The following GRM5 variants were observed in gnomAD, a reference collection of about 807,000 sequenced individuals.
GRM5 encodes metabotropic glutamate receptor 5.
In GRM5, 19 loss-of-function variants were observed where a neutral mutation model predicts 83.1. The observed-to-expected ratio is 0.23, with a 90% CI of 0.16 to 0.34. The LOEUF (loss-of-function observed/expected upper bound fraction) is 0.34. Ranked by LOEUF, GRM5 falls within the 10% of genes least tolerant of loss-of-function variation. The pLI is 1.00. For synonymous variants in GRM5, 675 were observed against 633.6 expected, an observed-to-expected ratio of 1.07 and a Z score of -0.98; for missense variants, 1,160 against 1,588.3, an observed-to-expected ratio of 0.73 and a Z score of 4.58.
chr11:88,689,644 G>A (rs550849495), intron 3 of GRM5, among the ~76,000 whole-genome samples: 12 of 152,154 alleles, frequency 7.9e-5, no homozygotes, highest in African/African-American at 2.7e-4. Flanking sequence ...CCTTTCATCC[G>A]GATTCAGCTT....
At chr11:88,983,742 AG>A (rs1408730330) in intron 2 of GRM5, among the ~76,000 whole-genome samples, 1 of 152,112 alleles carries the variant, frequency 6.6e-6, no homozygotes, top group Non-Finnish European at 1.5e-5. Flanking sequence ...CCTGTAAAAC[AG>A]CCCCAGGCAA....
At chr11:88,594,050 C>G (rs556375088) in intron 6 of GRM5, among the ~76,000 whole-genome samples, 4 of 152,184 alleles carry the variant, frequency 2.6e-5, no homozygotes, top group African/African-American at 9.6e-5. Flanking sequence ...GCCTAGGCCT[C>G]TCAAAGTGCT....
intron 4 of GRM5, among the ~76,000 whole-genome samples, chr11:88,643,189 T>C (rs1243999837): frequency 6.6e-6 from 1 of 152,074 alleles, no homozygotes; most frequent in Non-Finnish European, 1.5e-5. Context: ...TTTTACTCAT[T>C]GCAGAAGGCA....
intron 8 of GRM5, among the ~76,000 whole-genome samples, chr11:88,566,825 G>T (rs1334917987): frequency 2.0e-5 from 3 of 152,000 alleles, no homozygotes; most frequent in Non-Finnish European, 4.4e-5. Flanking sequence ...CTGTAACTCT[G>T]CTTTATTAGA....
At chr11:88,806,152 G>T (rs1943496320) in intron 3 of GRM5, among the ~76,000 whole-genome samples, 1 of 152,180 alleles carries the variant, frequency 6.6e-6, no homozygotes, top group Non-Finnish European at 1.5e-5. Flanking sequence ...AACTAGAAGT[G>T]CTCACCAAAA....
At chr11:88,538,306 C>T (rs1334741459) in intron 8 of GRM5, among the ~76,000 whole-genome samples, 1 of 152,072 alleles carries the variant, frequency 6.6e-6, no homozygotes, top group Non-Finnish European at 1.5e-5. Context: ...TAAGTCATTG[C>T]CATTTTATTG....
chr11:88,527,052 G>A (rs1276413504), intron 8 of GRM5, among the ~76,000 whole-genome samples: 1 of 152,148 alleles, frequency 6.6e-6, no homozygotes, highest in East Asian at 1.9e-4. Flanking sequence ...GCTAGATTGA[G>A]TAGACTTAAT....
chr11:88,777,028 G>A (rs1479738486), intron 3 of GRM5, among the ~76,000 whole-genome samples: 1 of 152,206 alleles, frequency 6.6e-6, no homozygotes, highest in African/African-American at 2.4e-5. Flanking sequence ...ATATCCTGAA[G>A]AGTGTTTTCC....
chr11:88,980,833 A>C (rs1347953523), intron 2 of GRM5, among the ~76,000 whole-genome samples: 6 of 152,132 alleles, frequency 3.9e-5, no homozygotes, highest in Non-Finnish European at 7.4e-5. Context: ...AAAAAAAATA[A>C]ATAAATAAAA....
At chr11:88,574,490 C>A (rs183030061) in intron 7 of GRM5, among the ~76,000 whole-genome samples, 1 of 152,170 alleles carries the variant, frequency 6.6e-6, no homozygotes, top group African/African-American at 2.4e-5. Context: ...TCCTCGTGGG[C>A]AGGTGCAGTG....
chr11:88,961,251 G>C (rs1483907674), intron 2 of GRM5, among the ~76,000 whole-genome samples: 1 of 152,136 alleles, frequency 6.6e-6, no homozygotes, highest in Non-Finnish European at 1.5e-5. Flanking sequence ...TTAGCATCTA[G>C]ACAGGTGGGT....
chr11:88,803,039 T>C (rs1464310113), intron 3 of GRM5, among the ~76,000 whole-genome samples: 1 of 133,292 alleles, frequency 7.5e-6, no homozygotes, highest in Non-Finnish European at 1.5e-5. Flanking sequence ...TAAAAGAGGA[T>C]ACAAACAAAT....
intron 2 of GRM5, among the ~76,000 whole-genome samples, chr11:89,007,639 C>A (rs907778589): frequency 2.0e-5 from 3 of 152,048 alleles, no homozygotes; most frequent in African/African-American, 7.2e-5. Flanking sequence ...GGGTTTTATC[C>A]AAGTGTATAA....
In GRM5 at chr11:88,846,703, C is replaced by T. The variant is rs1326238294; in HGVS notation, c.911+3203G>A. Among the ~76,000 whole-genome samples, 3 of 151,690 alleles carry T rather than the reference C, an allele frequency of 2.0e-5. No homozygotes were observed. The East Asian group carries it at 5.8e-4, about 29-fold the overall frequency. ...TTTTTTTTTTTCCACATAGCTTTGACTTCTAGTTCCTAAAGCCATTCATTC... is the reference window on the plus strand; with the variant it reads ...TTTTTTTTTTTCCACATAGCTTTGATTTCTAGTTCCTAAAGCCATTCATTC... On this transcript the variant is annotated intron_variant, in intron 3 of 9. Coordinates refer to ENST00000305447, the MANE Select transcript of GRM5 (RefSeq NM_001143831.3).
chr11:88,567,112 G>A lies in GRM5; in HGVS notation c.2571C>T (p.Ser857=). The A allele has an allele frequency of 6.2e-7, 1 of 1,614,062 alleles. No individual in the cohort carries two copies. The highest frequency in any genetic ancestry group is 8.5e-7 in the Non-Finnish European group (1 of 1,179,942). ...ACAGGTTGACTAGGCTGCTGGATCT[G>A]CTGGCTGCGGAGGATGACTTGCCAT... ...VGDGKSSSAA[S]RSSSLVNLWK... Residue 857 remains serine, a synonymous_variant, in exon 8 of 10, where the codon AGC becomes AGT. Transcript: ENST00000305447. The surrounding 1 kb of genome is among the most constrained non-coding windows in gnomAD (Gnocchi z 7.3).
At chr11:88,858,747 T>A (rs961581292) in intron 2 of GRM5, among the ~76,000 whole-genome samples, 1 of 151,926 alleles carries the variant, frequency 6.6e-6, no homozygotes. Flanking sequence ...GATACAAACA[T>A]AATTGAAAGA....
At chr11:88,721,218 T>C (rs1160306832) in intron 3 of GRM5, among the ~76,000 whole-genome samples, 1 of 152,070 alleles carries the variant, frequency 6.6e-6, no homozygotes, top group East Asian at 1.9e-4. Flanking sequence ...GCTATAACAG[T>C]GAATATTTTC....
At chr11:88,657,397 A>C (rs1939789631) in intron 3 of GRM5, among the ~76,000 whole-genome samples, 1 of 152,102 alleles carries the variant, frequency 6.6e-6, no homozygotes, top group Non-Finnish European at 1.5e-5. Flanking sequence ...AAAATAGAAA[A>C]ATCATTCTTA....
intron 3 of GRM5, among the ~76,000 whole-genome samples, chr11:88,788,098 C>T (rs1943107279): frequency 6.6e-6 from 1 of 152,156 alleles, no homozygotes; most frequent in South Asian, 2.1e-4. Context: ...ACCAGCTAGA[C>T]ACACTGGGCA....
Sources: gnomAD v4.1 joint callset for allele counts (sites outside exome capture counted in the v4.1 genomes callset) on GRCh38, gnomAD v4.1.1 for gene constraint, Gnocchi (gnomAD v3.1) non-coding constraint, MANE v1.5 for transcripts, NCBI Gene and HGNC (gene_info 2026-07-23, HGNC 2026-07-21) for gene names.